The following NUP133 variants were observed in gnomAD, a reference collection of about 807,000 sequenced individuals.
The protein encoded by NUP133 is nucleoporin 133, also known as nuclear pore complex protein Nup133.
Under a neutral mutation model 146.2 loss-of-function variants are expected in NUP133, and 66 were observed. The observed-to-expected ratio is 0.45, with a 90% confidence interval of 0.37 to 0.55. NUP133 has a LOEUF of 0.55. NUP133 is among the 20% of genes least tolerant of loss of function. NUP133 has a pLI of 0.00. For missense variants in NUP133, 1,277 were observed against 1,374.8 expected, an observed-to-expected ratio of 0.93 and a Z score of 1.12; for synonymous variants, 521 against 498.8, an observed-to-expected ratio of 1.04 and a Z score of -0.59.
chr1:229,487,838 A>ATTT (rs10565327), intron 9 of NUP133, among the ~76,000 whole-genome samples: 30 of 118,140 alleles, frequency 2.5e-4, no homozygotes, highest in East Asian at 4.7e-4. Flanking sequence ...TGCTTTTTTA[A>ATTT]TTTTTTTTTT....
chr1:229,490,418 A>AAC (rs1484304191), intron 8 of NUP133, among the ~76,000 whole-genome samples: 2 of 150,356 alleles, frequency 1.3e-5, no homozygotes, highest in Non-Finnish European at 2.9e-5. Context: ...AAAAAAAAAA[A>AAC]ATACTGAATG....
chr1:229,463,486 C>T, intron 19 of NUP133, 57 bp downstream of exon 19: 2 of 1,547,308 alleles, frequency 1.3e-6, no homozygotes, highest in East Asian at 4.7e-5. Context: ...AATGGCAAAG[C>T]CATTTCAAGA....
chr1:229,503,382 C>A (rs115330927), intron 2 of NUP133, among the ~76,000 whole-genome samples: 5,071 of 152,138 alleles, frequency 0.033, 217 homozygotes, highest in African/African-American at 0.1. Flanking sequence ...TCAAGGAAAA[C>A]AATGTGCTTT....
chr1:229,441,949 A>G lies in NUP133; in HGVS notation c.3426T>C (p.Phe1142=), dbSNP rs750552339. 6.3e-7 allele frequency: 1 copy of G among 1,582,850 alleles called. No homozygotes were observed. Among genetic ancestry groups the G allele is most frequent in the Admixed American group, 2.0e-5 (1 of 48,984 alleles). ...AATATTCATAATTTGCTTTCAAAAC[A>G]AACTCGAAGTAAGGATTGGACTTTA... ...GSLKSNPYFE[F]VLKANYEYYV... is the part of the protein sequence containing the mutation. Residue 1142 remains phenylalanine (F), a synonymous_variant, in exon 26 of 26, where the codon TTT becomes TTC. Transcript: ENST00000261396.
chr1:229,500,988 T>C (rs1661786493), intron 3 of NUP133, 125 bp from the exon 4 acceptor site: 3 of 586,746 alleles, frequency 5.1e-6, no homozygotes, highest in Non-Finnish European at 9.1e-6. Flanking sequence ...TCTACAAATA[T>C]TCTTTCTTCT....
intron 18 of NUP133, among the ~76,000 whole-genome samples, chr1:229,464,392 ATGT>A (rs1010572863): frequency 1.3e-5 from 2 of 152,234 alleles, no homozygotes; most frequent in South Asian, 2.1e-4. Flanking sequence ...TAGTCTCCAC[ATGT>A]TGTTTGTTTA....
At chr1:229,455,720 A>G (rs893506602) in intron 21 of NUP133, among the ~76,000 whole-genome samples, 1 of 152,168 alleles carries the variant, frequency 6.6e-6, no homozygotes, top group Admixed American at 6.5e-5. Flanking sequence ...ATTTTTTTTC[A>G]GCATATGAAG....
At chr1:229,471,438 G>A (rs895924285) in intron 14 of NUP133, among the ~76,000 whole-genome samples, 1 of 152,114 alleles carries the variant, frequency 6.6e-6, no homozygotes, top group Non-Finnish European at 1.5e-5. Flanking sequence ...TTTACTAGCT[G>A]TATCAATTAA....
chr1:229,457,419 A>G (rs1660594566), intron 21 of NUP133, among the ~76,000 whole-genome samples: 1 of 152,174 alleles, frequency 6.6e-6, no homozygotes, highest in African/African-American at 2.4e-5. Flanking sequence ...TCTAGGACCC[A>G]TAGGAATACC....
At chr1:229,482,746 C>G (rs1161759404) in intron 12 of NUP133, among the ~76,000 whole-genome samples, 1 of 152,186 alleles carries the variant, frequency 6.6e-6, no homozygotes, top group African/African-American at 2.4e-5. Flanking sequence ...CTCTGGCCAA[C>G]AGGACACTAG....
At chr1:229,465,580 G>T in intron 16 of NUP133, 61 bp from the exon 17 acceptor site, 1 of 1,252,952 alleles carries the variant, frequency 8.0e-7, no homozygotes, top group Non-Finnish European at 1.2e-6. Flanking sequence ...TATTTCTGAA[G>T]ATAATTTAAG....
intron 24 of NUP133, chr1:229,448,910 C>T (rs1166754018): frequency 7.3e-6 from 4 of 544,880 alleles, no homozygotes; most frequent in East Asian, 3.3e-5. Flanking sequence ...CAGTCTGAGC[C>T]CTCAACCTGT....
intron 8 of NUP133, among the ~76,000 whole-genome samples, chr1:229,493,306 T>C (rs6668018): frequency 0.19 from 28,477 of 152,196 alleles, 2,881 homozygotes; most frequent in Middle Eastern, 0.25. Flanking sequence ...GCCTTCTGAA[T>C]AGCTGGGACT....
chr1:229,442,330 G>C lies in NUP133; in HGVS notation c.3335-290C>G, dbSNP rs1406180629. 2.6e-5 allele frequency among the ~76,000 whole-genome samples: 4 copies of C among 152,168 alleles called. No homozygotes were observed. In the East Asian group the frequency reaches 7.7e-4, roughly 29 times the overall value. On this transcript the variant is annotated intron_variant, in intron 25 of 25. Coordinates refer to ENST00000261396, the MANE Select transcript of NUP133 (RefSeq NM_018230.3). ...AACGTTTTCATGTATTCCCAAGCTT[G>C]AAAACAAGTATTTCAAACACTTATA...
chr1:229,462,862 T>G (rs1351042829), intron 19 of NUP133, among the ~76,000 whole-genome samples: 1 of 152,156 alleles, frequency 6.6e-6, no homozygotes, highest in African/African-American at 2.4e-5. Context: ...GGAACTTTGT[T>G]TTTTAAACAG....
intron 24 of NUP133, chr1:229,448,726 TG>T (rs58490538): frequency 0.022 from 4,475 of 203,070 alleles, 167 homozygotes; most frequent in African/African-American, 0.087. Flanking sequence ...GACCGCTCTC[TG>T]GTAACAACAC....
chr1:229,446,374 A>G (rs1261273604), intron 24 of NUP133, among the ~76,000 whole-genome samples: 1 of 152,162 alleles, frequency 6.6e-6, no homozygotes, highest in African/African-American at 2.4e-5. Context: ...GAGCCACTGC[A>G]CTCCAGCCTA....
At chr1:229,452,672 GAGA>G in intron 21 of NUP133, 29 bp from the exon 22 acceptor site, 1 of 1,520,900 alleles carries the variant, frequency 6.6e-7, no homozygotes, top group African/African-American at 1.4e-5. Flanking sequence ...GGGAGGGAAA[GAGA>G]ATATGATGAA....
In NUP133 at chr1:229,508,233, G is replaced by A; in HGVS notation, c.17C>T (p.Pro6Leu). The A allele has an allele frequency of 6.5e-7, 1 of 1,535,260 alleles. No individual in the cohort carries two copies. Among genetic ancestry groups the A allele is most frequent in the Non-Finnish European group, 8.7e-7 (1 of 1,143,196 alleles). MFPAA[P>L]SPRTPGTGSR... is the part of the protein sequence containing the mutation. ...CCCGGTACCCGGGGTCCGCGGAGAA[G>A]GGGCGGCTGGGAACATGACTCCAAG... Residue 6 changes from proline (P) to leucine (L), a missense_variant, in exon 1 of 26, where the codon CCT becomes CTT. Around this residue, in one of 3 missense-constraint regions of NUP133, gnomAD observed 319 missense variants for 306.9 expected, o/e 1.04. Coordinates refer to ENST00000261396, the MANE Select transcript of NUP133 (RefSeq NM_018230.3).
Sources: gnomAD v4.1 joint callset for allele counts (sites outside exome capture counted in the v4.1 genomes callset) on GRCh38, gnomAD v4.1.1 for gene constraint, gnomAD v4.1.1 regional missense constraint, MANE v1.5 for transcripts, NCBI Gene and HGNC (gene_info 2026-07-23, HGNC 2026-07-21) for gene names.